ST6GALNAC2: variants seen among roughly 807,000 people sequenced by gnomAD.
ST6GALNAC2 encodes the protein alpha-N-acetylgalactosaminide alpha-2,6-sialyltransferase 2.
ST6GALNAC2 carries 42 observed loss-of-function variants against 38.7 expected under a neutral mutation model. The observed-to-expected ratio is 1.09, with a 90% CI of 0.85 to 1.40. The LOEUF is 1.40. ST6GALNAC2 is among the 40% of genes most tolerant of loss of function. The pLI is 0.00. For missense variants in ST6GALNAC2, 506 were observed against 481.7 expected, an observed-to-expected ratio of 1.05 and a Z score of -0.47; for synonymous variants, 233 against 209.0, an observed-to-expected ratio of 1.11 and a Z score of -0.99.
At chr17:76,585,120 G>C (rs1179444580) in intron 1 of ST6GALNAC2, among the ~76,000 whole-genome samples, 1 of 152,234 alleles carries the variant, frequency 6.6e-6, no homozygotes, top group Non-Finnish European at 1.5e-5. Context: ...CCTCTTCGCG[G>C]ATCGCGCCCG....
intron 2 of ST6GALNAC2, 145 bp downstream of exon 2, chr17:76,578,611 G>T: frequency 1.4e-6 from 1 of 696,302 alleles, no homozygotes; most frequent in East Asian, 2.7e-5. Context: ...AGGCCCTGAA[G>T]GGACGGATGC....
chr17:76,585,689 T>C lies in ST6GALNAC2; in HGVS notation c.120A>G (p.Gly40=). Residue 40 remains glycine, a synonymous_variant, in exon 1 of 9, where the codon GGA becomes GGG. Coordinates refer to ENST00000225276, the MANE Select transcript of ST6GALNAC2 (RefSeq NM_006456.3). The part of the protein sequence containing the change: ...AVQRYPGPAA[G]ARDTTSFEAF... ...CTGCGCTCGGCAGCCCCTACCTGGC[T>C]CCGGCCGCTGGCCCCGGGTACCGCT... is the stretch of plus-strand genomic sequence containing the variant. 6.6e-7 allele frequency: 1 copy of C among 1,525,700 alleles called. No homozygotes were observed. Among genetic ancestry groups the C allele is most frequent in the Non-Finnish European group, 8.8e-7 (1 of 1,140,988 alleles). 94.5% of individuals were successfully genotyped at this position (1,525,700 alleles called of 1,614,324 possible).
chr17:76,572,158 G>T lies in ST6GALNAC2; in HGVS notation c.669+479C>A, dbSNP rs141944484. Among the ~76,000 whole-genome samples the T allele has an allele frequency of 3.3e-3, 495 of 152,224 alleles. 2 individuals carry two copies. Among genetic ancestry groups the T allele is most frequent in the African/African-American group, 0.011 (455 of 41,524 alleles). On this transcript the variant is annotated intron_variant, in intron 5 of 8. Transcript: ENST00000225276. ...GGGTACACGGGTCCCACTCAGGGCTGCTGTGGTGACCGTGTGTGTGCCCTG... is the reference window on the plus strand; with the variant it reads ...GGGTACACGGGTCCCACTCAGGGCTTCTGTGGTGACCGTGTGTGTGCCCTG...
At chr17:76,570,731 A>G (rs1252649666) in intron 5 of ST6GALNAC2, 63 bp from the exon 6 acceptor site, 2 of 1,291,640 alleles carry the variant, frequency 1.5e-6, no homozygotes, top group Non-Finnish European at 2.2e-6. Context: ...CTCAGTGTGG[A>G]CAGCCCTCCA....
At chr17:76,575,154 C>T (rs927847496) in intron 2 of ST6GALNAC2, among the ~76,000 whole-genome samples, 1 of 152,176 alleles carries the variant, frequency 6.6e-6, no homozygotes, top group Non-Finnish European at 1.5e-5. Context: ...ATGGGTCTGA[C>T]CTGCCTGCCC....
intron 1 of ST6GALNAC2, among the ~76,000 whole-genome samples, chr17:76,584,461 A>G (rs2075519780): frequency 6.6e-6 from 1 of 152,204 alleles, no homozygotes; most frequent in African/African-American, 2.4e-5. Flanking sequence ...TGTTTTAAAC[A>G]TCTTTACATA....
rs570847520 is a variant in ST6GALNAC2 at position 76,565,527 on chromosome 17, T to C, written c.*577A>G. ...GACCCTCCCAGTGTTCTGAGAGTCATCTCCATGCTAAACAGCCTGCGTTTT... is the reference window on the plus strand; with the variant it reads ...GACCCTCCCAGTGTTCTGAGAGTCACCTCCATGCTAAACAGCCTGCGTTTT... On this transcript the variant is annotated 3_prime_UTR_variant, in exon 9 of 9. Coordinates refer to ENST00000225276, the MANE Select transcript of ST6GALNAC2 (RefSeq NM_006456.3). The C allele has an allele frequency of 4.4e-4, 66 of 151,302 alleles. No individual in the cohort carries two copies. The highest frequency in any genetic ancestry group is 1.4e-3 in the African/African-American group (56 of 41,004). The allele number at this position is 151,302 out of a possible 1,614,324, so 9.4% of individuals were successfully genotyped here.
In ST6GALNAC2 at chr17:76,573,210, T is replaced by C. The variant is rs1598251762; in HGVS notation, c.515A>G (p.His172Arg). The C allele has an allele frequency of 6.3e-7, 1 of 1,594,550 alleles. No homozygotes were observed. Among genetic ancestry groups the C allele is most frequent in the Non-Finnish European group, 8.6e-7 (1 of 1,168,096 alleles). ...CCCCTCATACCTGAATACATAGTCA[T>C]GGGCATCGATGTTGGGACCCTGGCG... ...GSRQGPNIDA[H>R]DYVFRLNGAV... Residue 172 changes from histidine (H) to arginine (R), a missense_variant, in exon 4 of 9, where the codon CAT becomes CGT. Coordinates refer to ENST00000225276, the MANE Select transcript of ST6GALNAC2 (RefSeq NM_006456.3). This position sits in a 1 kb window ranked among gnomAD's most constrained non-coding sequence, Gnocchi z 5.1.
rs77351892 is a variant in ST6GALNAC2 at position 76,581,841 on chromosome 17, A to G, written c.126-3025T>C. ...TTTCAGAAAGCTAATTTTACTCACA[A>G]CTTAGATCATATTCTCTTTTTTATT... On this transcript the variant is annotated intron_variant, in intron 1 of 8. Transcript: ENST00000225276. 3.2e-3 allele frequency among the ~76,000 whole-genome samples: 479 copies of G among 151,940 alleles called. 3 individuals are homozygous for G. The highest frequency in any genetic ancestry group is 0.011 in the African/African-American group (457 of 41,448).
At chr17:76,585,310 G>A (rs2075532340) in intron 1 of ST6GALNAC2, among the ~76,000 whole-genome samples, 1 of 152,236 alleles carries the variant, frequency 6.6e-6, no homozygotes, top group South Asian at 2.1e-4. Flanking sequence ...GTTACCGAGG[G>A]AGAGTTCCCG....
At chr17:76,579,108 G>A (rs989831460) in intron 1 of ST6GALNAC2, 45 of 211,428 alleles carry the variant, frequency 2.1e-4, no homozygotes, top group Admixed American at 2.0e-3. Flanking sequence ...TAGTAGAGAC[G>A]GGGTTTTTCC....
In ST6GALNAC2 at chr17:76,574,490, T is replaced by TG. The variant is rs1567930797; in HGVS notation, c.235dup (p.His79ProfsTer95). 2 of 1,469,368 alleles carry TG rather than the reference T, an allele frequency of 1.4e-6. No homozygotes were observed. The highest frequency in any genetic ancestry group is 1.8e-6 in the Non-Finnish European group (2 of 1,090,756). The allele number at this position is 1,469,368 out of a possible 1,614,324, so 91.0% of individuals were successfully genotyped here. On this transcript the variant is annotated frameshift_variant, in exon 3 of 9. Transcript: ENST00000225276. LOFTEE classifies it high-confidence loss of function. Reference sequence around the variant, plus strand: ...GGAGAGATTGAACAGGCCACGGAAGTGGGGGTGCCGCTGAATGGCCAGGTG... The same window carrying TG: ...GGAGAGATTGAACAGGCCACGGAAGTGGGGGGTGCCGCTGAATGGCCAGGTG...
intron 1 of ST6GALNAC2, among the ~76,000 whole-genome samples, chr17:76,583,538 A>G (rs941119940): frequency 1.9e-4 from 29 of 151,630 alleles, no homozygotes; most frequent in African/African-American, 7.0e-4. Flanking sequence ...AAGAAAAGGA[A>G]TTCATTTCTT....
chr17:76,580,050 A>G (rs1344261912), intron 1 of ST6GALNAC2, among the ~76,000 whole-genome samples: 1 of 152,162 alleles, frequency 6.6e-6, no homozygotes, highest in Non-Finnish European at 1.5e-5. Flanking sequence ...CATTTATACA[A>G]TAGGGATAAT....
intron 1 of ST6GALNAC2, among the ~76,000 whole-genome samples, chr17:76,583,812 CTT>C (rs71158029): frequency 2.2e-5 from 3 of 136,136 alleles, no homozygotes; most frequent in Admixed American, 7.6e-5. Context: ...TGTGATATTT[CTT>C]TTTTTTTTTT....
chr17:76,580,418 G>A (rs950513124), intron 1 of ST6GALNAC2, among the ~76,000 whole-genome samples: 1 of 142,734 alleles, frequency 7.0e-6, no homozygotes, highest in Non-Finnish European at 1.5e-5. Context: ...ACTCCTGGCC[G>A]GGTGCGGTGG....
Position 76,578,747 on chromosome 17 carries a change from C to T in ST6GALNAC2, c.186+9G>A. The T allele has an allele frequency of 6.2e-7, 1 of 1,612,262 alleles. No individual in the cohort carries two copies. Among genetic ancestry groups the T allele is most frequent in the South Asian group, 1.1e-5 (1 of 90,822 alleles). On this transcript the variant is annotated intron_variant, in intron 2 of 8. Transcript: ENST00000225276. ...CTCAAAACTGCCACAGGGTAGTCGA[C>T]CACTCTACCTTTCCTGTCCAAGAAT...
chr17:76,573,044 G>C lies in ST6GALNAC2; in HGVS notation c.530+151C>G. Reference sequence around the variant, plus strand: ...CCATGCTCCGTCCTCAGGGCCTACTGTTTGTTTTTGCCTTGTCCATGCCCG... The same window carrying C: ...CCATGCTCCGTCCTCAGGGCCTACTCTTTGTTTTTGCCTTGTCCATGCCCG... On this transcript the variant is annotated intron_variant, in intron 4 of 8. Transcript: ENST00000225276. This position sits in a 1 kb window ranked among gnomAD's most constrained non-coding sequence, Gnocchi z 5.1. 2 of 946,358 alleles carry C rather than the reference G, an allele frequency of 2.1e-6. No individual in the cohort carries two copies. Among genetic ancestry groups the C allele is most frequent in the Non-Finnish European group, 3.1e-6 (2 of 649,784 alleles). The allele number at this position is 946,358 out of a possible 1,614,324, so 58.6% of individuals were successfully genotyped here.
chr17:76,572,073 C>T (rs527291687), intron 5 of ST6GALNAC2, among the ~76,000 whole-genome samples: 6 of 152,202 alleles, frequency 3.9e-5, no homozygotes, highest in African/African-American at 1.2e-4. Flanking sequence ...ATGGTTCCAG[C>T]TGGGTGACCC....
Sources: allele counts gnomAD v4.1 joint callset (sites outside exome capture counted in the v4.1 genomes callset), GRCh38; gene constraint gnomAD v4.1.1; non-coding constraint Gnocchi (gnomAD v3.1); transcripts MANE v1.5; gene names NCBI Gene and HGNC (gene_info 2026-07-23, HGNC 2026-07-21).